ARHGAP10: variants seen among roughly 807,000 people sequenced by gnomAD.
ARHGAP10 encodes the protein Rho GTPase activating protein 10, also known as rho GTPase-activating protein 10.
Under a neutral mutation model 108.6 loss-of-function variants are expected in ARHGAP10, and 87 were observed. The observed-to-expected ratio is 0.80, with a 90% CI of 0.67 to 0.96. The LOEUF (loss-of-function observed/expected upper bound fraction) is 0.96, where lower values mean the gene tolerates loss of function less well. Among genes scored for constraint, ARHGAP10 ranks in the 40% least tolerant of loss-of-function variants. ARHGAP10 has a pLI of 0.00. For synonymous variants in ARHGAP10, 347 were observed against 341.1 expected (o/e 1.02, Z -0.19); for missense variants, 939 against 954.5 (o/e 0.98, Z 0.21).
intron 17 of ARHGAP10, 59 bp downstream of exon 17, chr4:147,965,188 C>T: frequency 7.4e-7 from 1 of 1,348,902 alleles, no homozygotes; most frequent in Non-Finnish European, 1.0e-6. Flanking sequence ...CTGGGTAGTG[C>T]TCTGGGATTT....
chr4:147,992,417 A>G (rs1187067464), intron 18 of ARHGAP10, among the ~76,000 whole-genome samples: 1 of 151,702 alleles, frequency 6.6e-6, no homozygotes. Flanking sequence ...TTTAAATTTA[A>G]TTTTTTTTGT....
In ARHGAP10 at chr4:148,023,368, A is replaced by C; in HGVS notation, c.1822A>C (p.Lys608Gln). The change falls in exon 19 of 23, where the codon AAG becomes CAG. Residue 608 changes from lysine to glutamine, a missense_variant. Lys to Gln is a moderately conservative substitution (Grantham distance 53). Transcript: ENST00000336498. ...RQSKRQGQRTKRPVAVYNLCL... is the reference protein window; with the variant it reads ...RQSKRQGQRTQRPVAVYNLCL... ...GTCGAAGAGACAAGGCCAGAGAACC[A>C]AGAGGCCCGTGGCCGTCTACAATCT... 6 of 1,614,172 alleles carry C rather than the reference A, an allele frequency of 3.7e-6. No homozygotes were observed. Among genetic ancestry groups the C allele is most frequent in the Non-Finnish European group, 5.1e-6 (6 of 1,180,004 alleles).
chr4:147,913,347 C>T (rs1736832514), intron 13 of ARHGAP10, among the ~76,000 whole-genome samples: 1 of 152,118 alleles, frequency 6.6e-6, no homozygotes, highest in Admixed American at 6.6e-5. Flanking sequence ...TATATGAAAA[C>T]ATGAGGTCAG....
rs1734282486 is a variant in ARHGAP10 at position 147,860,785 on chromosome 4, G to T, written c.486+3131G>T. Among the ~76,000 whole-genome samples the T allele has an allele frequency of 2.0e-5, 3 of 152,272 alleles. No individual in the cohort carries two copies. In the South Asian group the frequency reaches 6.2e-4, roughly 32 times the overall value. On this transcript the variant is annotated intron_variant, in intron 5 of 22. Coordinates refer to ENST00000336498, the MANE Select transcript of ARHGAP10 (RefSeq NM_024605.4). ...ACTTTCTTACATATATTTACAGCAG[G>T]AATGGCTAGAAATTAGTTGATAATC...
At chr4:148,023,984 C>T (rs1173136201) in intron 19 of ARHGAP10, among the ~76,000 whole-genome samples, 1 of 152,238 alleles carries the variant, frequency 6.6e-6, no homozygotes, top group Non-Finnish European at 1.5e-5. Context: ...CCTTCCGAGC[C>T]ATGCTGTTCA....
chr4:147,924,971 ATT>A (rs34560317), intron 13 of ARHGAP10, among the ~76,000 whole-genome samples: 267 of 147,170 alleles, frequency 1.8e-3, no homozygotes, highest in Middle Eastern at 7.0e-3. Flanking sequence ...AGAACTTTCT[ATT>A]TTTTTTTTTT....
At chr4:147,985,007 G>A (rs1739978797) in intron 18 of ARHGAP10, among the ~76,000 whole-genome samples, 4 of 152,210 alleles carry the variant, frequency 2.6e-5, no homozygotes, top group Non-Finnish European at 4.4e-5. Context: ...ACATAGAGAT[G>A]TGCCTAGGTG....
chr4:147,949,552 C>T (rs1380283198), intron 15 of ARHGAP10, among the ~76,000 whole-genome samples: 1 of 141,734 alleles, frequency 7.1e-6, no homozygotes, highest in Non-Finnish European at 1.5e-5. Flanking sequence ...TAGGACAGCC[C>T]ACCCTCCCCC....
chr4:147,825,676 TG>T (rs1433628512), intron 3 of ARHGAP10, among the ~76,000 whole-genome samples: 3 of 152,192 alleles, frequency 2.0e-5, no homozygotes, highest in Non-Finnish European at 2.9e-5. Context: ...CTAAATAAGA[TG>T]GTGAATAAAA....
intron 16 of ARHGAP10, among the ~76,000 whole-genome samples, chr4:147,964,616 C>T (rs764716347): frequency 2.0e-5 from 3 of 152,204 alleles, no homozygotes; most frequent in Non-Finnish European, 4.4e-5. Flanking sequence ...CCTGTTCAAC[C>T]TGTAACATGC....
At position 147,732,174 on chromosome 4, in the gene ARHGAP10, C is replaced by T; in HGVS notation, c.-128C>T. 1.1e-6 allele frequency: 1 copy of T among 941,532 alleles called. No individual in the cohort carries two copies. The highest frequency in any genetic ancestry group is 3.5e-5 in the East Asian group (1 of 28,688). 58.3% of individuals were successfully genotyped at this position (941,532 alleles called of 1,614,324 possible). A position where few individuals can be genotyped will look rare whatever the true frequency, so the allele number is the denominator to read the frequency against. On this transcript the variant is annotated 5_prime_UTR_variant, in exon 1 of 23. Transcript: ENST00000336498. ...ACGGGACATGTCCGTGCCGCGCTCG[C>T]CGCGCGCCCGGGCCTGCTAGCTCCT...
Position 147,965,008 on chromosome 4 carries a change from A to T in ARHGAP10, c.1451-16A>T, listed in dbSNP as rs761882168. 26 of 1,328,948 alleles carry T rather than the reference A, an allele frequency of 2.0e-5. No homozygotes were observed. The highest frequency in any genetic ancestry group is 1.0e-4 in the Admixed American group (4 of 39,922). The allele number at this position is 1,328,948 out of a possible 1,614,324, so 82.3% of individuals were successfully genotyped here. A position where few individuals can be genotyped will look rare whatever the true frequency, so the allele number is the denominator to read the frequency against. On this transcript the variant is annotated splice_polypyrimidine_tract_variant and intron_variant, in intron 16 of 22. Coordinates refer to ENST00000336498, the MANE Select transcript of ARHGAP10 (RefSeq NM_024605.4). ...TTTCTTTATTTTTTTCTTTATTATT[A>T]TTTTTTTTTTGGAAGAAAGCGGCAG... is the stretch of plus-strand genomic sequence containing the variant.
chr4:147,765,199 T>C (rs1488868073), intron 1 of ARHGAP10, among the ~76,000 whole-genome samples: 2 of 152,072 alleles, frequency 1.3e-5, no homozygotes, highest in African/African-American at 2.4e-5. Context: ...TCATTGTGAG[T>C]CATTTAAGAT....
At position 147,955,351 on chromosome 4, in the gene ARHGAP10, A is replaced by G. The variant is rs1487768172; in HGVS notation, c.1427A>G (p.His476Arg). The change falls in exon 16 of 23, where the codon CAT (histidine) becomes CGT (arginine). Residue 476 changes from histidine (H) to arginine (R), a missense_variant. Coordinates refer to ENST00000336498, the MANE Select transcript of ARHGAP10 (RefSeq NM_024605.4). ...LPEPLMTYELHGDFIVPAKSG... is the reference protein window; with the variant it reads ...LPEPLMTYELRGDFIVPAKSG... ...GAGCCTCTCATGACCTATGAGTTAC[A>G]TGGAGATTTCATTGTTCCAGCCAGT... 1.2e-6 allele frequency: 2 copies of G among 1,611,594 alleles called. No individual in the cohort carries two copies. The highest frequency in any genetic ancestry group is 1.7e-6 in the Non-Finnish European group (2 of 1,178,270).
chr4:147,819,882 GGCTGCT>G (rs1445765374), intron 1 of ARHGAP10, among the ~76,000 whole-genome samples: 3 of 152,154 alleles, frequency 2.0e-5, no homozygotes, highest in Non-Finnish European at 4.4e-5. Context: ...TTACAGGTTT[GGCTGCT>G]GTTTCAGGGA....
intron 1 of ARHGAP10, among the ~76,000 whole-genome samples, chr4:147,748,980 C>G (rs1419886309): frequency 1.1e-5 from 1 of 91,970 alleles, no homozygotes. Flanking sequence ...AAGCTGATGT[C>G]CTATACATAA....
chr4:147,962,375 C>T (rs771973456), intron 16 of ARHGAP10, among the ~76,000 whole-genome samples: 1 of 152,228 alleles, frequency 6.6e-6, no homozygotes, highest in African/African-American at 2.4e-5. Flanking sequence ...CCACATGTGC[C>T]AGCCACAGAG....
intron 17 of ARHGAP10, 102 bp downstream of exon 17, chr4:147,965,231 G>A (rs969011481): frequency 1.3e-6 from 1 of 743,732 alleles, no homozygotes; most frequent in South Asian, 2.6e-5. Flanking sequence ...ACACCTGGAA[G>A]GGCAGGCTGA....
chr4:147,843,842 C>T (rs947394408), intron 3 of ARHGAP10, among the ~76,000 whole-genome samples: 1 of 152,218 alleles, frequency 6.6e-6, no homozygotes, highest in Non-Finnish European at 1.5e-5. Context: ...TATCCAACAC[C>T]TTGGTAGCTT....
Sources: allele counts gnomAD v4.1 joint callset (sites outside exome capture counted in the v4.1 genomes callset), GRCh38; gene constraint gnomAD v4.1.1; transcripts MANE v1.5; gene names NCBI Gene and HGNC (gene_info 2026-07-23, HGNC 2026-07-21).